Variants in ACSM2B observed in about 807,000 individuals in gnomAD.
ACSM2B encodes the protein acyl-CoA synthetase medium chain family member 2B.
A neutral mutation model predicts 78.6 loss-of-function variants in ACSM2B; 58 were observed. The ratio of observed to expected loss-of-function variants is 0.74; its 90% CI spans 0.60 to 0.92. The LOEUF (loss-of-function observed/expected upper bound fraction) is 0.92, where lower values mean the gene tolerates loss of function less well. Ranked by LOEUF, ACSM2B falls within the 40% of genes least tolerant of loss-of-function variation. The pLI is 0.00. For missense variants in ACSM2B, 688 were observed against 711.2 expected (o/e 0.97, Z 0.37); for synonymous variants, 257 against 256.8 (o/e 1.00, Z -0.01).
chr16:20,566,673 A>ATAC (rs1328055697), intron 1 of ACSM2B, among the ~76,000 whole-genome samples: 1 of 19,104 alleles, frequency 5.2e-5, no homozygotes, highest in South Asian at 3.6e-3. Flanking sequence ...TATATAGTAT[A>ATAC]TACATATAGT....
At chr16:20,552,646 T>C (rs1000122845) in intron 5 of ACSM2B, among the ~76,000 whole-genome samples, 1 of 152,202 alleles carries the variant, frequency 6.6e-6, no homozygotes, top group African/African-American at 2.4e-5. Context: ...GACATCTGCA[T>C]GGCAAATATT....
chr16:20,566,697 AGTAT>A (rs2015875750), intron 1 of ACSM2B, among the ~76,000 whole-genome samples: 2 of 4,474 alleles, frequency 4.5e-4, no homozygotes, highest in African/African-American at 6.2e-4. Context: ...TACTATATAT[AGTAT>A]ATATATAGTA....
At chr16:20,547,976 C>T in intron 8 of ACSM2B, 86 bp downstream of exon 8, 2 of 1,591,258 alleles carry the variant, frequency 1.3e-6, no homozygotes, top group Admixed American at 1.8e-5. Context: ...ATGAATGATA[C>T]ATGGTGGCTA....
chr16:20,559,582 T>A, intron 2 of ACSM2B, 135 bp from the exon 3 acceptor site: 1 of 1,308,128 alleles, frequency 7.6e-7, no homozygotes, highest in Non-Finnish European at 1.0e-6. Context: ...TCATAAAAAG[T>A]ATTGAAAACC....
At chr16:20,546,692 A>C in intron 8 of ACSM2B, 1 of 717,372 alleles carries the variant, frequency 1.4e-6, no homozygotes, top group Non-Finnish European at 2.0e-6. Flanking sequence ...CCCATCTACC[A>C]CTCCCCAGGA....
intron 1 of ACSM2B, among the ~76,000 whole-genome samples, chr16:20,572,112 C>A (rs969918843): frequency 8.6e-5 from 13 of 151,120 alleles, no homozygotes; most frequent in African/African-American, 2.7e-4. Context: ...ATTCATTGTG[C>A]TATTTGTTGC....
chr16:20,570,115 A>G (rs2016053023), intron 1 of ACSM2B, among the ~76,000 whole-genome samples: 1 of 151,848 alleles, frequency 6.6e-6, no homozygotes, highest in Non-Finnish European at 1.5e-5. Flanking sequence ...AAGTGGTGAG[A>G]GTAAGCATTC....
intron 9 of ACSM2B, among the ~76,000 whole-genome samples, 186 bp from the exon 10 acceptor site, chr16:20,545,444 G>A (rs1182604247): frequency 2.0e-5 from 3 of 152,140 alleles, no homozygotes; most frequent in South Asian, 4.1e-4. Flanking sequence ...GCCTGGAATA[G>A]TTTAGGTGAA....
intron 1 of ACSM2B, 27 bp from the exon 2 acceptor site, chr16:20,564,880 A>C (rs749395674): frequency 1.3e-6 from 2 of 1,581,180 alleles, no homozygotes; most frequent in Non-Finnish European, 8.6e-7. Context: ...AGACACAGGT[A>C]AGAGCTTCTT....
At chr16:20,552,763 A>C (rs2015358897) in intron 5 of ACSM2B, among the ~76,000 whole-genome samples, 2 of 152,194 alleles carry the variant, frequency 1.3e-5, no homozygotes, top group African/African-American at 4.8e-5. Flanking sequence ...CACTAAGTGA[A>C]CTCATCCCTT....
rs2014862103 is a variant in ACSM2B, at chr16:20,537,086, T to C, written c.*172A>G. 1 of 747,406 alleles carries C rather than the reference T, an allele frequency of 1.3e-6. No individual in the cohort carries two copies. The highest frequency in any genetic ancestry group is 2.2e-6 in the Non-Finnish European group (1 of 464,812). The allele number at this position is 747,406 out of a possible 1,614,324, so 46.3% of individuals were successfully genotyped here. A position where few individuals can be genotyped will look rare whatever the true frequency, so the allele number is the denominator to read the frequency against. On this transcript the variant is annotated 3_prime_UTR_variant, in exon 14 of 14. Transcript: ENST00000329697. ...TTCACTCTCTCTCATTCCTTCCCTT[T>C]CTTATTTCAATATCTAACATAGTAA...
intron 2 of ACSM2B, among the ~76,000 whole-genome samples, chr16:20,562,056 A>C (rs561066905): frequency 2.0e-5 from 3 of 151,598 alleles, no homozygotes; most frequent in Non-Finnish European, 4.4e-5. Flanking sequence ...TGACCTTCCA[A>C]CTACTGTGAA....
In ACSM2B at chr16:20,545,193, T is replaced by C; in HGVS notation, c.1245A>G (p.Lys415=). 1 of 1,613,758 alleles carries C rather than the reference T, an allele frequency of 6.2e-7. No individual in the cohort carries two copies. The highest frequency in any genetic ancestry group is 8.5e-7 in the Non-Finnish European group (1 of 1,179,760). Reference sequence around the variant, plus strand: ...AGAAGATGCCTATAGGCCTGATGGGTTTGACCCTGATGCCAATGTCTCCTT... The same window carrying C: ...AGAAGATGCCTATAGGCCTGATGGGCTTGACCCTGATGCCAATGTCTCCTT... The part of the protein sequence containing the change: ...GTEGDIGIRV[K]PIRPIGIFSG... Residue 415 remains lysine (K), a synonymous_variant, in exon 10 of 14, where the codon AAA becomes AAG. Coordinates refer to ENST00000329697, the MANE Select transcript of ACSM2B (RefSeq NM_001105069.2).
rs749172124 is a variant in ACSM2B at position 20,540,730 on chromosome 16, T to C, written c.1553A>G (p.His518Arg). ...FVILASQFLS[H>R]DPEQLTKELQ... Reference sequence around the variant, plus strand: ...CTCCTTGGTGAGCTGTTCTGGGTCATGGGATAGGAACTGCGAGGCCAGGAT... The same window carrying C: ...CTCCTTGGTGAGCTGTTCTGGGTCACGGGATAGGAACTGCGAGGCCAGGAT... Residue 518 changes from histidine (H) to arginine (R), a missense_variant, in exon 13 of 14, where the codon CAT (histidine) becomes CGT (arginine). Coordinates refer to ENST00000329697, the MANE Select transcript of ACSM2B (RefSeq NM_001105069.2). 6.2e-7 allele frequency: 1 copy of C among 1,614,058 alleles called. No homozygotes were observed. The highest frequency in any genetic ancestry group is 1.1e-5 in the South Asian group (1 of 91,078).
chr16:20,570,657 G>A (rs1321864474), intron 1 of ACSM2B, among the ~76,000 whole-genome samples: 1 of 151,680 alleles, frequency 6.6e-6, no homozygotes, highest in East Asian at 1.9e-4. Context: ...TGAATGTCTG[G>A]TAGAATTCAG....
At chr16:20,566,983 T>A (rs1459029352) in intron 1 of ACSM2B, among the ~76,000 whole-genome samples, 2 of 122,260 alleles carry the variant, frequency 1.6e-5, no homozygotes, top group African/African-American at 6.0e-5. Flanking sequence ...TTATATACTG[T>A]TATATATTAT....
chr16:20,567,825 T>G (rs1458395170), intron 1 of ACSM2B, among the ~76,000 whole-genome samples: 1 of 141,888 alleles, frequency 7.0e-6, no homozygotes, highest in Non-Finnish European at 1.5e-5. Context: ...TATAGATATA[T>G]AAAACTATAC....
At chr16:20,575,715 C>G (rs938847201) in intron 1 of ACSM2B, 2 of 147,270 alleles carry the variant, frequency 1.4e-5, no homozygotes, top group African/African-American at 4.9e-5. Context: ...ACAGACACAC[C>G]CAGGATCAAC....
chr16:20,557,004 C>A (rs2015495032), intron 3 of ACSM2B, among the ~76,000 whole-genome samples: 1 of 151,984 alleles, frequency 6.6e-6, no homozygotes, highest in Non-Finnish European at 1.5e-5. Context: ...AGCCCATTGT[C>A]CCCAGAATAT....
Sources: gnomAD v4.1 joint callset for allele counts (sites outside exome capture counted in the v4.1 genomes callset) on GRCh38, gnomAD v4.1.1 for gene constraint, MANE v1.5 for transcripts, NCBI Gene and HGNC (gene_info 2026-07-23, HGNC 2026-07-21) for gene names.